DLGAP2: variants seen among roughly 807,000 people sequenced by gnomAD.
DLGAP2 encodes the protein disks large-associated protein 2.
DLGAP2 carries 26 observed loss-of-function variants against 100.3 expected under a neutral mutation model. The observed-to-expected ratio is 0.26, with a 90% confidence interval of 0.19 to 0.36. DLGAP2 has a LOEUF of 0.36. Ranked by LOEUF, DLGAP2 falls within the 10% of genes least tolerant of loss-of-function variation. The pLI is 1.00. For missense variants in DLGAP2, 1,858 were observed against 1,453.2 expected (o/e 1.28, Z -4.53); for synonymous variants, 886 against 630.1 (o/e 1.41, Z -6.08).
In DLGAP2 at chr8:1,462,134, G is replaced by T. The variant is rs1383339495; in HGVS notation, c.107-39232G>T. Among the ~76,000 whole-genome samples the T allele has an allele frequency of 6.6e-5, 3 of 45,462 alleles. 1 individual carries two copies. The highest frequency in any genetic ancestry group is 1.1e-4 in the Non-Finnish European group (3 of 27,132). The allele number at this position is 45,462 out of a possible 152,430, so 29.8% of individuals were successfully genotyped here. ...CGCTGATTCGATGACCAGGAGGAGG[G>T]AGAAGGGTGGCATTTGGGTTGGGAG... On this transcript the variant is annotated intron_variant, in intron 3 of 14. Coordinates refer to ENST00000637795, the MANE Select transcript of DLGAP2 (RefSeq NM_001346810.2).
intron 2 of DLGAP2, among the ~76,000 whole-genome samples, chr8:1,144,282 T>C (rs7840790): frequency 0.87 from 131,886 of 152,234 alleles, 57,251 homozygotes; most frequent in Middle Eastern, 0.89. Context: ...GTGGAGCATT[T>C]GAGTGGATGA....
chr8:1,263,872 G>C (rs6558433), intron 3 of DLGAP2, among the ~76,000 whole-genome samples: 36,522 of 152,018 alleles, frequency 0.24, 5,134 homozygotes, highest in African/African-American at 0.38. Flanking sequence ...GATCTTTTCT[G>C]ATTGCTATTT....
chr8:1,221,864 T>A (rs1189196635), intron 2 of DLGAP2, among the ~76,000 whole-genome samples: 3 of 152,222 alleles, frequency 2.0e-5, no homozygotes, highest in Non-Finnish European at 4.4e-5. Context: ...AGCTCAGAGA[T>A]TCTTTCCTCA....
At chr8:1,512,425 G>A (rs1288140230) in intron 4 of DLGAP2, among the ~76,000 whole-genome samples, 1 of 152,190 alleles carries the variant, frequency 6.6e-6, no homozygotes, top group African/African-American at 2.4e-5. Context: ...GACGGGGCCA[G>A]CGTGGGTGTC....
intron 2 of DLGAP2, chr8:1,002,630 G>A (rs1800992290): frequency 6.6e-6 from 1 of 152,200 alleles, no homozygotes; most frequent in Non-Finnish European, 1.5e-5. Flanking sequence ...ACGCCCTGTG[G>A]GGTGGCTGTG....
At chr8:1,193,682 C>T (rs1415976472) in intron 2 of DLGAP2, among the ~76,000 whole-genome samples, 1 of 152,138 alleles carries the variant, frequency 6.6e-6, no homozygotes, top group African/African-American at 2.4e-5. Context: ...ATTGAAGCCA[C>T]CTGAGTCTCG....
chr8:1,153,477 C>T (rs62487484), intron 2 of DLGAP2, among the ~76,000 whole-genome samples: 63 of 152,062 alleles, frequency 4.1e-4, no homozygotes, highest in Non-Finnish European at 8.1e-4. Context: ...CGTGATTATA[C>T]GAAATCCTTT....
chr8:1,177,521 G>A (rs1229481800), intron 2 of DLGAP2, among the ~76,000 whole-genome samples: 1 of 152,084 alleles, frequency 6.6e-6, no homozygotes, highest in Non-Finnish European at 1.5e-5. Flanking sequence ...CATTGTTCTG[G>A]CTTGCGATTG....
intron 1 of DLGAP2, among the ~76,000 whole-genome samples, chr8:887,976 G>T (rs1415659067): frequency 6.6e-6 from 1 of 152,136 alleles, no homozygotes; most frequent in Non-Finnish European, 1.5e-5. Flanking sequence ...GTGTTTTCCA[G>T]CTTGTTTCCA....
chr8:1,271,275 G>T (rs1052727220), intron 3 of DLGAP2, among the ~76,000 whole-genome samples: 2 of 152,146 alleles, frequency 1.3e-5, no homozygotes, highest in Non-Finnish European at 2.9e-5. Context: ...TCCAGCCAGC[G>T]GTGTGACTTC....
chr8:1,154,743 A>G (rs546645741), intron 2 of DLGAP2, among the ~76,000 whole-genome samples: 1 of 152,044 alleles, frequency 6.6e-6, no homozygotes, highest in East Asian at 1.9e-4. Flanking sequence ...CAGGATTTCC[A>G]GTCCTTACTG....
intron 2 of DLGAP2, among the ~76,000 whole-genome samples, chr8:1,067,865 T>C (rs1477949800): frequency 2.0e-5 from 3 of 151,918 alleles, no homozygotes; most frequent in Non-Finnish European, 4.4e-5. Context: ...ACTGCACAGG[T>C]TTGGGCAGGT....
rs539092075 is a variant in DLGAP2, at chr8:793,621, G to A, written c.18+55796G>A. Among the ~76,000 whole-genome samples, 4 of 152,070 alleles carry A rather than the reference G, an allele frequency of 2.6e-5. No individual in the cohort carries two copies. The South Asian group carries it at 8.3e-4, about 32-fold the overall frequency. ...GAAACTCCTCTTCTGAGACTTCCTGGACTTGTTCTTCACATCTCTGGACAT... is the reference window on the plus strand; with the variant it reads ...GAAACTCCTCTTCTGAGACTTCCTGAACTTGTTCTTCACATCTCTGGACAT... On this transcript the variant is annotated intron_variant, in intron 1 of 14. Transcript: ENST00000637795.
intron 2 of DLGAP2, among the ~76,000 whole-genome samples, chr8:1,224,369 A>G (rs1461767940): frequency 1.3e-5 from 2 of 152,234 alleles, no homozygotes; most frequent in Non-Finnish European, 2.9e-5. Flanking sequence ...AGCACCAAGA[A>G]CAGAGCCTGC....
intron 3 of DLGAP2, among the ~76,000 whole-genome samples, chr8:1,470,743 GA>G (rs1798758011): frequency 0.066 from 10 of 152 alleles, 4 homozygotes; most frequent in Admixed American, 0.17. Context: ...CCCCTTCCCC[GA>G]CTCCTTCCCC....
chr8:1,081,868 G>T (rs1719748962), intron 2 of DLGAP2, among the ~76,000 whole-genome samples: 1 of 152,166 alleles, frequency 6.6e-6, no homozygotes, highest in Non-Finnish European at 1.5e-5. Flanking sequence ...TCCATCTCCA[G>T]CAGCGAGTGG....
chr8:779,670 T>G (rs1444306366), intron 1 of DLGAP2, among the ~76,000 whole-genome samples: 1 of 151,910 alleles, frequency 6.6e-6, no homozygotes, highest in Admixed American at 6.6e-5. Flanking sequence ...GACTTAATGT[T>G]TTCTGGTTTC....
chr8:1,238,568 C>CACA (rs1798717145), intron 2 of DLGAP2, among the ~76,000 whole-genome samples: 1 of 44,226 alleles, frequency 2.3e-5, no homozygotes, highest in Non-Finnish European at 4.2e-5. Flanking sequence ...TAGTTCTCTC[C>CACA]CATGGCGCCG....
intron 2 of DLGAP2, among the ~76,000 whole-genome samples, chr8:1,054,743 A>G (rs1802826558): frequency 1.3e-5 from 2 of 152,310 alleles, no homozygotes; most frequent in East Asian, 1.9e-4. Context: ...TTTGCATTGT[A>G]TTGGTGTCAC....
Sources: gnomAD v4.1 joint callset for allele counts (sites outside exome capture counted in the v4.1 genomes callset) on GRCh38, gnomAD v4.1.1 for gene constraint, MANE v1.5 for transcripts, NCBI Gene and HGNC (gene_info 2026-07-23, HGNC 2026-07-21) for gene names.